Variants in SPAG17 observed in about 807,000 individuals in gnomAD.
The protein encoded by SPAG17 is sperm associated antigen 17.
Under a neutral mutation model 273.6 loss-of-function variants are expected in SPAG17, and 169 were observed. That is an observed-to-expected ratio of 0.62 (90% CI 0.55 to 0.70). The LOEUF (loss-of-function observed/expected upper bound fraction) is 0.70, where lower values mean the gene tolerates loss of function less well. SPAG17 is among the 30% of genes least tolerant of loss of function. The pLI is 0.00. For synonymous variants in SPAG17, 825 were observed against 873.2 expected, an observed-to-expected ratio of 0.94 and a Z score of 0.97; for missense variants, 2,557 against 2,627.8, an observed-to-expected ratio of 0.97 and a Z score of 0.59.
chr1:117,996,859 T>C (rs1043032618), intron 32 of SPAG17, 116 bp from the exon 33 acceptor site: 1 of 1,069,608 alleles, frequency 9.3e-7, no homozygotes, highest in African/African-American at 1.6e-5. Flanking sequence ...AAATTGGAGA[T>C]GTTTATTTGC....
chr1:117,983,090 C>T (rs1483665710), intron 42 of SPAG17, among the ~76,000 whole-genome samples: 1 of 152,148 alleles, frequency 6.6e-6, no homozygotes, highest in South Asian at 2.1e-4. Context: ...CACAGTTCCA[C>T]ATAGCTGGGG....
intron 40 of SPAG17, among the ~76,000 whole-genome samples, chr1:117,986,461 T>C (rs995784151): frequency 6.6e-6 from 1 of 152,236 alleles, no homozygotes; most frequent in African/African-American, 2.4e-5. Flanking sequence ...TGTATTTCTG[T>C]GACACTCATC....
intron 10 of SPAG17, among the ~76,000 whole-genome samples, chr1:118,088,060 T>C (rs555513544): frequency 6.6e-6 from 1 of 152,344 alleles, no homozygotes; most frequent in South Asian, 2.1e-4. Flanking sequence ...AACACCCTAC[T>C]GTCAGAAGAG....
At chr1:118,073,667 C>G (rs894681628) in intron 17 of SPAG17, among the ~76,000 whole-genome samples, 187 bp downstream of exon 17, 2 of 151,820 alleles carry the variant, frequency 1.3e-5, no homozygotes, top group Admixed American at 1.3e-4. Context: ...ATATTTTAAA[C>G]TATTTTAGAG....
intron 1 of SPAG17, among the ~76,000 whole-genome samples, chr1:118,174,429 T>A (rs1017866876): frequency 6.6e-6 from 1 of 151,980 alleles, no homozygotes; most frequent in African/African-American, 2.4e-5. Flanking sequence ...TAGAGTCTGA[T>A]AAGCAAAAAG....
intron 1 of SPAG17, among the ~76,000 whole-genome samples, chr1:118,155,053 TGGA>T (rs1659578783): frequency 6.6e-6 from 1 of 152,110 alleles, no homozygotes; most frequent in Non-Finnish European, 1.5e-5. Context: ...GTCTATGACC[TGGA>T]GGCATGTATT....
intron 43 of SPAG17, among the ~76,000 whole-genome samples, chr1:117,973,768 G>C (rs1477984326): frequency 6.6e-6 from 1 of 152,064 alleles, no homozygotes; most frequent in Non-Finnish European, 1.5e-5. Context: ...GCATGATCAT[G>C]CTGCCCAAAT....
At chr1:118,056,832 A>G (rs1209098580) in intron 18 of SPAG17, among the ~76,000 whole-genome samples, 2 of 152,294 alleles carry the variant, frequency 1.3e-5, no homozygotes, top group East Asian at 1.9e-4. Flanking sequence ...CTCAAACTCA[A>G]CATGTCCCCA....
rs1195327655 is a variant in SPAG17 at position 118,101,927 on chromosome 1, C to T, written c.448-1G>A. ...CTAACTTAGGTTTGTCTTCTATTAC[C>T]TGGAATGAGAGAACACTTTTTTCTC... On this transcript the variant is annotated splice_acceptor_variant, in intron 4 of 48. Coordinates refer to ENST00000336338, the MANE Select transcript of SPAG17 (RefSeq NM_206996.4). LOFTEE classifies it high-confidence loss of function. 2 of 1,608,250 alleles carry T rather than the reference C, an allele frequency of 1.2e-6. No individual in the cohort carries two copies. Among genetic ancestry groups the T allele is most frequent in the Admixed American group, 1.7e-5 (1 of 58,692 alleles).
intron 6 of SPAG17, 45 bp from the exon 7 acceptor site, chr1:118,097,896 T>A: frequency 7.2e-7 from 1 of 1,386,782 alleles, no homozygotes; most frequent in Non-Finnish European, 9.8e-7. Context: ...GAGTGTTAAA[T>A]GTTTTCCCAC....
intron 26 of SPAG17, among the ~76,000 whole-genome samples, chr1:118,026,490 A>G (rs1450660449): frequency 6.6e-6 from 1 of 152,236 alleles, no homozygotes; most frequent in Non-Finnish European, 1.5e-5. Context: ...AAGTACTACT[A>G]ATAATGATAA....
At chr1:118,106,856 TGA>T (rs779617974) in intron 4 of SPAG17, among the ~76,000 whole-genome samples, 2 of 152,192 alleles carry the variant, frequency 1.3e-5, no homozygotes, top group Non-Finnish European at 2.9e-5. Flanking sequence ...AGGTAGGGTG[TGA>T]GAGCCTGTGC....
At chr1:118,107,553 T>A (rs2102236318) in intron 4 of SPAG17, among the ~76,000 whole-genome samples, 1 of 152,194 alleles carries the variant, frequency 6.6e-6, no homozygotes, top group South Asian at 2.1e-4. Context: ...TATAGATGAG[T>A]CTCACTCTGT....
At chr1:118,140,288 C>T (rs185086057) in intron 3 of SPAG17, among the ~76,000 whole-genome samples, 1 of 152,098 alleles carries the variant, frequency 6.6e-6, no homozygotes, top group East Asian at 1.9e-4. Context: ...TAAATTTGCA[C>T]AGTGTAGTGA....
intron 3 of SPAG17, among the ~76,000 whole-genome samples, chr1:118,118,607 CT>C (rs1309792878): frequency 6.6e-6 from 1 of 152,212 alleles, no homozygotes; most frequent in Non-Finnish European, 1.5e-5. Context: ...CAGGCAAGGC[CT>C]GTGTCTCCTG....
In SPAG17 at chr1:118,051,899, T is replaced by C. The variant is rs111205419; in HGVS notation, c.2814+2103A>G. Among the ~76,000 whole-genome samples, 10 of 135,584 alleles carry C rather than the reference T, an allele frequency of 7.4e-5. No individual in the cohort carries two copies. The Admixed American group carries it at 7.6e-4, about 10-fold the overall frequency. 88.9% of individuals were successfully genotyped at this position (135,584 alleles called of 152,430 possible). ...ATATATAAACTATTATAATATAATA[T>C]ATAAACTATTATAATACATAAACTA... is the stretch of plus-strand genomic sequence containing the variant. On this transcript the variant is annotated intron_variant, in intron 20 of 48. Transcript: ENST00000336338.
chr1:118,079,356 T>A (rs1246753446), intron 15 of SPAG17, among the ~76,000 whole-genome samples: 1 of 152,108 alleles, frequency 6.6e-6, no homozygotes, highest in African/African-American at 2.4e-5. Context: ...GTTGTTTATA[T>A]TATCTTGCAA....
In SPAG17 at chr1:117,992,620, G is replaced by A. The variant is rs758493901; in HGVS notation, c.5207C>T (p.Thr1736Ile). 1.2e-6 allele frequency: 2 copies of A among 1,605,090 alleles called. No individual in the cohort carries two copies. Among genetic ancestry groups the A allele is most frequent in the Admixed American group, 3.5e-5 (2 of 57,890 alleles). Residue 1736 changes from threonine (T) to isoleucine (I), a missense_variant, in exon 36 of 49, where the codon ACT becomes ATT. Transcript: ENST00000336338. ...EKKTPGPPFG[T>I]QIWKGLCIES... ...AATGCAAAGGCCTTTCCAAATCTGA[G>A]TACCAAACGGAGGTCCTGGAGTTTT...
Position 117,983,883 on chromosome 1 carries a change from GT to G in SPAG17, c.5799del (p.Lys1933AsnfsTer25), listed in dbSNP as rs988400096. 1.2e-6 allele frequency: 2 copies of G among 1,611,644 alleles called. No homozygotes were observed. Among genetic ancestry groups the G allele is most frequent in the African/African-American group, 1.3e-5 (1 of 74,822 alleles). ...QYNHLDSLSKKLPSFTKKNED... is the reference protein window; with the variant it reads ...QYNHLDSLSKXLPSFTKKNED... ...TCATTTTTCTTTGTAAAAGAAGGCAGTTTTTTGGAAAGACTGTCCAGGTGAT... is the reference window on the plus strand; with the variant it reads ...TCATTTTTCTTTGTAAAAGAAGGCAGTTTTTGGAAAGACTGTCCAGGTGAT... On this transcript the variant is annotated frameshift_variant, in exon 42 of 49. Coordinates refer to ENST00000336338, the MANE Select transcript of SPAG17 (RefSeq NM_206996.4). LOFTEE classifies it high-confidence loss of function.
Sources: allele counts gnomAD v4.1 joint callset (sites outside exome capture counted in the v4.1 genomes callset), GRCh38; gene constraint gnomAD v4.1.1; transcripts MANE v1.5; gene names NCBI Gene and HGNC (gene_info 2026-07-23, HGNC 2026-07-21).